The following KRT72 variants were observed in gnomAD, a reference collection of about 807,000 sequenced individuals.
KRT72 encodes the protein keratin 72, also known as keratin, type II cytoskeletal 72.
In KRT72, 44 loss-of-function variants were observed where a neutral mutation model predicts 44.7. That is an observed-to-expected ratio of 0.98 (90% CI 0.77 to 1.27). KRT72 has a LOEUF of 1.27. KRT72 is among the 50% of genes most tolerant of loss of function. The pLI, the probability that KRT72 is intolerant of heterozygous loss-of-function variation, is 0.00. For synonymous variants in KRT72, 302 were observed against 280.4 expected (o/e 1.08, Z -0.77); for missense variants, 736 against 667.1 (o/e 1.10, Z -1.14).
chr12:52,599,263 A>G (rs1172538546), intron 1 of KRT72, 151 bp from the exon 2 acceptor site: 2 of 726,170 alleles, frequency 2.8e-6, no homozygotes, highest in Admixed American at 2.0e-5. Context: ...GCCGAGGGAC[A>G]TGCTCACCTG....
chr12:52,585,853 G>T lies in KRT72; in HGVS notation c.*129C>A. 1 of 828,874 alleles carries T rather than the reference G, an allele frequency of 1.2e-6. No individual in the cohort carries two copies. Among genetic ancestry groups the T allele is most frequent in the Non-Finnish European group, 2.0e-6 (1 of 512,114 alleles). The allele number at this position is 828,874 out of a possible 1,614,324, so 51.3% of individuals were successfully genotyped here. ...CATCACACCTTGAGGACAACAGGGAGAGGAAATGGGGTTGGGACTGTAGTG... is the reference window on the plus strand; with the variant it reads ...CATCACACCTTGAGGACAACAGGGATAGGAAATGGGGTTGGGACTGTAGTG... On this transcript the variant is annotated 3_prime_UTR_variant, in exon 9 of 9. Transcript: ENST00000293745.
intron 2 of KRT72, among the ~76,000 whole-genome samples, chr12:52,598,373 A>G (rs1220543376): frequency 6.6e-6 from 1 of 152,204 alleles, no homozygotes; most frequent in Non-Finnish European, 1.5e-5. Flanking sequence ...ATCAGGTCAC[A>G]CTGAGCCTTG....
At chr12:52,601,879 G>A (rs970795656), upstream of KRT72, among the ~76,000 whole-genome samples, 5 of 152,160 alleles carry the variant, frequency 3.3e-5, no homozygotes, top group Non-Finnish European at 5.9e-5. Flanking sequence ...AGTCCAGGCT[G>A]CTTCTGCTTC....
Position 52,591,474 on chromosome 12 carries a change from T to A in KRT72, c.953A>T (p.Tyr318Phe), listed in dbSNP as rs1399794587. 3 of 1,613,734 alleles carry A rather than the reference T, an allele frequency of 1.9e-6. No homozygotes were observed. Among genetic ancestry groups the A allele is most frequent in the Non-Finnish European group, 2.5e-6 (3 of 1,179,732 alleles). Residue 318 changes from tyrosine to phenylalanine, a missense_variant, in exon 5 of 9, where the codon TAC becomes TTC. By Grantham distance (22) the Tyr-to-Phe change is conservative (BLOSUM62 3). Coordinates refer to ENST00000293745, the MANE Select transcript of KRT72 (RefSeq NM_080747.3). ...LKSKAEAETL[Y>F]QTKIQELQVT... ...CTGGCACCAGCTCACCTTGGTCTGG[T>A]ACAGGGTCTCAGCCTCGGCCTTGCT...
chr12:52,593,043 G>A, intron 2 of KRT72, 91 bp from the exon 3 acceptor site: 1 of 1,218,868 alleles, frequency 8.2e-7, no homozygotes, highest in Non-Finnish European at 1.1e-6. Context: ...TGCAGGGTGG[G>A]GGTCTTCAAA....
At chr12:52,587,316 G>A (rs1367243182) in intron 7 of KRT72, among the ~76,000 whole-genome samples, 1 of 152,178 alleles carries the variant, frequency 6.6e-6, no homozygotes, top group African/African-American at 2.4e-5. Context: ...CTTTGCTGGA[G>A]CGACCTTGAA....
chr12:52,591,096 G>C, intron 5 of KRT72, 135 bp from the exon 6 acceptor site: 1 of 867,820 alleles, frequency 1.2e-6, no homozygotes, highest in Non-Finnish European at 1.6e-6. Context: ...AGCCTTGGCA[G>C]AGTGTGAATT....
intron 8 of KRT72, among the ~76,000 whole-genome samples, chr12:52,586,455 C>T (rs1939749127): frequency 6.6e-6 from 1 of 152,232 alleles, no homozygotes; most frequent in East Asian, 1.9e-4. Flanking sequence ...TTCCCAGGGC[C>T]CATCTGGTGC....
Position 52,601,424 on chromosome 12 carries a change from CG to C in KRT72, c.28del (p.Arg10AlafsTer123), listed in dbSNP as rs1156917307. On this transcript the variant is annotated frameshift_variant, in exon 1 of 9. Coordinates refer to ENST00000293745, the MANE Select transcript of KRT72 (RefSeq NM_080747.3). LOFTEE classifies it high-confidence loss of function. ...ACCGCTGAAGCCCAGGCGCTCCCCG[CG>C]GGGGAAATGGGTCAGTTGGCGGCTC... MSRQLTHFPRGERLGFSGCS... is the reference protein window; with the variant it reads MSRQLTHFPXGERLGFSGCS... The C allele has an allele frequency of 1.3e-6, 2 of 1,539,084 alleles. No individual in the cohort carries two copies. Among genetic ancestry groups the C allele is most frequent in the Non-Finnish European group, 1.7e-6 (2 of 1,147,240 alleles).
intron 6 of KRT72, among the ~76,000 whole-genome samples, 193 bp downstream of exon 6, chr12:52,590,643 C>T (rs1939966791): frequency 6.6e-6 from 1 of 152,218 alleles, no homozygotes; most frequent in Admixed American, 6.5e-5. Flanking sequence ...CCTCTCACCC[C>T]TCTGGGCTCC....
chr12:52,598,985 T>C lies in KRT72; in HGVS notation c.554A>G (p.Lys185Arg). Residue 185 changes from lysine (K) to arginine (R), a missense_variant, in exon 2 of 9, where the codon AAG becomes AGG. By Grantham distance (26) the Lys-to-Arg change is conservative (BLOSUM62 2). Coordinates refer to ENST00000293745, the MANE Select transcript of KRT72 (RefSeq NM_080747.3). The part of the protein sequence containing the change: ...IYEGYISNLQ[K>R]QLEMLSGDGV... ...GTCCCCAGACAGCATCTCCAGCTGC[T>C]TCTGCAGGTTGCTGATGTAGCCCTC... 6.2e-7 allele frequency: 1 copy of C among 1,614,210 alleles called. No homozygotes were observed. The highest frequency in any genetic ancestry group is 8.5e-7 in the Non-Finnish European group (1 of 1,180,040).
At chr12:52,601,550 C>G, upstream of KRT72, 1 of 1,255,698 alleles carries the variant, frequency 8.0e-7, no homozygotes, top group Non-Finnish European at 1.1e-6. Flanking sequence ...GCCTGGCTGG[C>G]TGGAGTCAGC....
At chr12:52,597,135 G>A (rs73320363) in intron 2 of KRT72, among the ~76,000 whole-genome samples, 2,604 of 152,242 alleles carry the variant, frequency 0.017, 56 homozygotes, top group African/African-American at 0.059. Flanking sequence ...CACATAATAC[G>A]TTTGAAATTA....
At chr12:52,600,814 G>C (rs1376582121) in intron 1 of KRT72, among the ~76,000 whole-genome samples, 1 of 152,082 alleles carries the variant, frequency 6.6e-6, no homozygotes, top group Non-Finnish European at 1.5e-5. Context: ...GTATGTGCCA[G>C]GCACTGTTCT....
At chr12:52,590,708 T>A in intron 6 of KRT72, 128 bp downstream of exon 6, 1 of 883,926 alleles carries the variant, frequency 1.1e-6, no homozygotes, top group Non-Finnish European at 1.6e-6. Context: ...TCTGTTCAGA[T>A]CATCCTCTCC....
At chr12:52,591,663 G>A (rs777890193) in intron 4 of KRT72, 35 bp from the exon 5 acceptor site, 1 of 1,576,042 alleles carries the variant, frequency 6.3e-7, no homozygotes, top group Non-Finnish European at 8.7e-7. Context: ...CTAGTTAAGG[G>A]GTACTCATGA....
chr12:52,595,575 G>A (rs1940202152), intron 2 of KRT72, among the ~76,000 whole-genome samples: 1 of 152,126 alleles, frequency 6.6e-6, no homozygotes, highest in East Asian at 1.9e-4. Context: ...AAGCTAGAGG[G>A]CAGATATTTT....
In KRT72 at chr12:52,591,574, C is replaced by T. The variant is rs769876314; in HGVS notation, c.853G>A (p.Asp285Asn). 3.1e-6 allele frequency: 5 copies of T among 1,613,956 alleles called. No individual in the cohort carries two copies. Among genetic ancestry groups the T allele is most frequent in the Non-Finnish European group, 4.2e-6 (5 of 1,179,866 alleles). The part of the protein sequence containing the change: ...ISDTSIVLSM[D>N]NNRDLDLDSI... The stretch of plus-strand genomic sequence containing the variant: ...TCCAGGTCCAGATCCCGGTTGTTGT[C>T]CATTGACAGGACGATGGACGTGTCG... Residue 285 changes from aspartate to asparagine, a missense_variant, in exon 5 of 9, where the codon GAC (aspartate) becomes AAC (asparagine). Coordinates refer to ENST00000293745, the MANE Select transcript of KRT72 (RefSeq NM_080747.3).
rs760205076 is a variant in KRT72, at chr12:52,601,292, C to T, written c.161G>A (p.Gly54Asp). The T allele has an allele frequency of 1.9e-6, 3 of 1,549,732 alleles. No individual in the cohort carries two copies. In the East Asian group the frequency reaches 7.3e-5, roughly 38 times the overall value. The change falls in exon 1 of 9, where the codon GGC (glycine) becomes GAC (aspartate). Residue 54 changes from glycine (G) to aspartate (D), a missense_variant. Physicochemically the swap from Gly to Asp is moderately conservative, Grantham distance 94 (BLOSUM62 -1). Coordinates refer to ENST00000293745, the MANE Select transcript of KRT72 (RefSeq NM_080747.3). ...AGCGCTGAGCGCCAGGCTTCGGCTGCCCCCAAGGCAGGAGAGGCTCTTGCT... is the reference window on the plus strand; with the variant it reads ...AGCGCTGAGCGCCAGGCTTCGGCTGTCCCCAAGGCAGGAGAGGCTCTTGCT... ...FGSKSLSCLG[G>D]SRSLALSAAA...
Sources: gnomAD v4.1 joint callset for allele counts (sites outside exome capture counted in the v4.1 genomes callset) on GRCh38, gnomAD v4.1.1 for gene constraint, MANE v1.5 for transcripts, NCBI Gene and HGNC (gene_info 2026-07-23, HGNC 2026-07-21) for gene names.